The following SHANK2 variants were observed in gnomAD, a reference collection of about 807,000 sequenced individuals.
SHANK2 encodes the protein SH3 and multiple ankyrin repeat domains 2, also known as SH3 and multiple ankyrin repeat domains protein 2.
Under a neutral mutation model 133.7 loss-of-function variants are expected in SHANK2, and 43 were observed. The ratio of observed to expected loss-of-function variants is 0.32; its 90% CI spans 0.25 to 0.41. The LOEUF (loss-of-function observed/expected upper bound fraction) is 0.41. Ranked by LOEUF, SHANK2 falls within the 10% of genes least tolerant of loss-of-function variation. SHANK2 has a pLI of 1.00. For missense variants in SHANK2, 1,994 were observed against 2,235.8 expected (o/e 0.89, Z 2.18); for synonymous variants, 1,017 against 952.8 (o/e 1.07, Z -1.24).
chr11:71,088,204 A>G (rs1951444869), intron 8 of SHANK2, among the ~76,000 whole-genome samples: 2 of 151,902 alleles, frequency 1.3e-5, no homozygotes, highest in African/African-American at 2.4e-5. Context: ...AGCGGCATCA[A>G]CTCTTCCTGG....
chr11:70,786,796 G>A (rs1423945876), intron 14 of SHANK2, among the ~76,000 whole-genome samples: 1 of 152,126 alleles, frequency 6.6e-6, no homozygotes, highest in African/African-American at 2.4e-5. Flanking sequence ...GTTCACCAAG[G>A]TGGAGTGCCA....
chr11:71,157,440 C>T (rs1555109249), intron 2 of SHANK2, among the ~76,000 whole-genome samples: 1 of 152,106 alleles, frequency 6.6e-6, no homozygotes, highest in Admixed American at 6.5e-5. Flanking sequence ...ATTTCTCTTC[C>T]ATGCCTCAGC....
At chr11:71,204,821 G>T (rs1954096082) in intron 2 of SHANK2, among the ~76,000 whole-genome samples, 1 of 152,174 alleles carries the variant, frequency 6.6e-6, no homozygotes, top group African/African-American at 2.4e-5. Flanking sequence ...GGAGGCAGGG[G>T]TTCGGAGCAC....
At chr11:70,624,704 T>C (rs1040081601) in intron 17 of SHANK2, among the ~76,000 whole-genome samples, 1 of 152,026 alleles carries the variant, frequency 6.6e-6, no homozygotes, top group Non-Finnish European at 1.5e-5. Flanking sequence ...GGTGCTGGCA[T>C]GGAGTGGGGA....
intron 8 of SHANK2, among the ~76,000 whole-genome samples, chr11:71,081,072 G>C (rs1047823470): frequency 1.3e-5 from 2 of 152,114 alleles, no homozygotes; most frequent in Non-Finnish European, 2.9e-5. Flanking sequence ...TTAAAATGAG[G>C]CCATTAGGGG....
chr11:70,884,345 T>C (rs946891901), intron 11 of SHANK2, among the ~76,000 whole-genome samples: 3 of 152,184 alleles, frequency 2.0e-5, no homozygotes, highest in African/African-American at 7.2e-5. Context: ...GCAAAATCTG[T>C]TTATCTGCAC....
chr11:70,826,342 G>T (rs1948639597), intron 11 of SHANK2: 11 of 423,176 alleles, frequency 2.6e-5, no homozygotes, highest in South Asian at 1.7e-4. Flanking sequence ...ATTATCCCCT[G>T]ACATGCTAGG....
At chr11:71,211,940 T>C (rs891071096) in intron 2 of SHANK2, among the ~76,000 whole-genome samples, 2 of 152,212 alleles carry the variant, frequency 1.3e-5, no homozygotes, top group Admixed American at 1.3e-4. Flanking sequence ...CTGGAACGAC[T>C]CTGGCTTAAC....
At chr11:70,505,526 G>T (rs1281876857) in intron 17 of SHANK2, among the ~76,000 whole-genome samples, 2 of 152,046 alleles carry the variant, frequency 1.3e-5, no homozygotes, top group African/African-American at 4.8e-5. Flanking sequence ...TGTGGGGAGC[G>T]AGGGGAGGAC....
chr11:70,533,662 T>C (rs1353994237), intron 17 of SHANK2, among the ~76,000 whole-genome samples: 1 of 152,108 alleles, frequency 6.6e-6, no homozygotes, highest in Non-Finnish European at 1.5e-5. Context: ...GCTTATATAA[T>C]GTAAAATTCA....
intron 11 of SHANK2, among the ~76,000 whole-genome samples, chr11:70,844,142 T>A (rs1045200085): frequency 3.9e-5 from 6 of 152,036 alleles, no homozygotes; most frequent in Non-Finnish European, 8.8e-5. Flanking sequence ...CTTCCCCACA[T>A]CTCTGGACAG....
intron 3 of SHANK2, among the ~76,000 whole-genome samples, chr11:71,138,772 C>T (rs1246009254): frequency 1.5e-5 from 2 of 129,094 alleles, no homozygotes; most frequent in East Asian, 2.2e-4. Flanking sequence ...GCCTGAGTGA[C>T]AGAGCAAGAC....
rs142611851 is a variant in SHANK2 at position 70,575,078 on chromosome 11, G to A, written c.2062-72147C>T. Reference sequence around the variant, plus strand: ...GCCTTCATTGCAGCTGATCCTCTGCGGTGCATTCAAGCTGGGCCCTCCTTG... The same window carrying A: ...GCCTTCATTGCAGCTGATCCTCTGCAGTGCATTCAAGCTGGGCCCTCCTTG... On this transcript the variant is annotated intron_variant, in intron 17 of 25. Coordinates refer to ENST00000601538, the MANE Select transcript of SHANK2 (RefSeq NM_012309.5). 3.1e-3 allele frequency among the ~76,000 whole-genome samples: 479 copies of A among 152,174 alleles called. 6 individuals carry two copies. The highest frequency in any genetic ancestry group is 0.011 in the African/African-American group (463 of 41,512).
Position 70,820,479 on chromosome 11 carries a change from C to A in SHANK2, c.1378G>T (p.Ala460Ser), listed in dbSNP as rs1948493423. ...LQQMPSKPEG[A>S]AKTIGSYVPG... ...ACGTAGCTCCCAATGGTCTTCGCGG[C>A]CCCCTCGGGCTTGCTGGGCATCTGC... is the stretch of plus-strand genomic sequence containing the variant. The change falls in exon 12 of 26, where the codon GCC becomes TCC. Residue 460 changes from alanine (A) to serine (S), a missense_variant. Ala to Ser is a moderately conservative substitution (Grantham distance 99). Around this residue, in one of 5 missense-constraint regions of SHANK2, gnomAD observed 653 missense variants for 563.4 expected, o/e 1.16. Coordinates refer to ENST00000601538, the MANE Select transcript of SHANK2 (RefSeq NM_012309.5). 1 of 716,696 alleles carries A rather than the reference C, an allele frequency of 1.4e-6. No homozygotes were observed. Among genetic ancestry groups the A allele is most frequent in the Non-Finnish European group, 2.6e-6 (1 of 384,578 alleles). 44.4% of individuals were successfully genotyped at this position (716,696 alleles called of 1,614,324 possible). A position where few individuals can be genotyped will look rare whatever the true frequency, so the allele number is the denominator to read the frequency against.
intron 17 of SHANK2, among the ~76,000 whole-genome samples, chr11:70,598,428 G>A (rs781845174): frequency 6.6e-5 from 10 of 152,178 alleles, no homozygotes; most frequent in Non-Finnish European, 2.9e-5. Flanking sequence ...GATTGAACCA[G>A]AAGTTGCAAA....
In SHANK2 at chr11:70,471,241, C is replaced by G. The variant is rs1246278993; in HGVS notation, c.*1628G>C. On this transcript the variant is annotated 3_prime_UTR_variant, in exon 26 of 26. Transcript: ENST00000601538. This position sits in a 1 kb window ranked among gnomAD's most constrained non-coding sequence, Gnocchi z 4.1. ...TTTATGTGTTCATTCTAGAGCTGTT[C>G]CAGACCTAATCAAGAAAAAAAGGAA... 2 of 397,418 alleles carry G rather than the reference C, an allele frequency of 5.0e-6. No homozygotes were observed. The highest frequency in any genetic ancestry group is 4.2e-5 in the African/African-American group (2 of 48,142). 24.6% of individuals were successfully genotyped at this position (397,418 alleles called of 1,614,324 possible). A position where few individuals can be genotyped will look rare whatever the true frequency, so the allele number is the denominator to read the frequency against.
intron 6 of SHANK2, among the ~76,000 whole-genome samples, chr11:71,097,138 C>G (rs1439555217): frequency 1.3e-5 from 2 of 152,216 alleles, no homozygotes; most frequent in African/African-American, 4.8e-5. Context: ...TCCGGAATCC[C>G]TCCTCAAGTG....
Position 70,636,741 on chromosome 11 carries a change from TGTGAGCATGTGTGTGA to T in SHANK2, c.2061+23071_2061+23086del, listed in dbSNP as rs1454442071. Among the ~76,000 whole-genome samples the T allele has an allele frequency of 1.5e-3, 179 of 122,514 alleles. 2 individuals carry two copies. The highest frequency in any genetic ancestry group is 6.0e-3 in the African/African-American group (172 of 28,520). 80.4% of individuals were successfully genotyped at this position (122,514 alleles called of 152,430 possible). ...CGAGGATGCATGATGTGTGAATATG[TGTGAGCATGTGTGTGA>T]GCATGTGTGTGAGCATCTGTGTGAG... On this transcript the variant is annotated intron_variant, in intron 17 of 25. Coordinates refer to ENST00000601538, the MANE Select transcript of SHANK2 (RefSeq NM_012309.5).
At position 71,252,086 on chromosome 11, in the gene SHANK2, CTA is replaced by C. The variant is rs201427481; in HGVS notation, c.-113+337_-113+338del. Among the ~76,000 whole-genome samples the C allele has an allele frequency of 7.5e-3, 1,145 of 152,292 alleles. 16 individuals carry two copies. The highest frequency in any genetic ancestry group is 0.026 in the African/African-American group (1,086 of 41,574). On this transcript the variant is annotated intron_variant, in intron 1 of 25. Coordinates refer to ENST00000601538, the MANE Select transcript of SHANK2 (RefSeq NM_012309.5). This position sits in a 1 kb window ranked among gnomAD's most constrained non-coding sequence, Gnocchi z 6.3. The stretch of plus-strand genomic sequence containing the variant: ...AGGAAGGGGCAGGACGCGCCAGAGA[CTA>C]CGTGGTCCATGCGCGCAGGAGATAA...
Sources: allele counts gnomAD v4.1 joint callset (sites outside exome capture counted in the v4.1 genomes callset), GRCh38; gene constraint gnomAD v4.1.1; regional missense constraint gnomAD v4.1.1; non-coding constraint Gnocchi (gnomAD v3.1); transcripts MANE v1.5; gene names NCBI Gene and HGNC (gene_info 2026-07-23, HGNC 2026-07-21).